ADAMTS19: variants seen among roughly 807,000 people sequenced by gnomAD.
The protein encoded by ADAMTS19 is ADAM metallopeptidase with thrombospondin type 1 motif 19.
Under a neutral mutation model 153.3 loss-of-function variants are expected in ADAMTS19, and 93 were observed. The observed-to-expected ratio is 0.61, with a 90% CI of 0.51 to 0.72. The LOEUF (loss-of-function observed/expected upper bound fraction) is 0.72. Among genes scored for constraint, ADAMTS19 ranks in the 30% least tolerant of loss-of-function variants. ADAMTS19 has a pLI of 0.00. For synonymous variants in ADAMTS19, 600 were observed against 556.6 expected (o/e 1.08, Z -1.10); for missense variants, 1,482 against 1,552.1 (o/e 0.95, Z 0.76).
intron 2 of ADAMTS19, among the ~76,000 whole-genome samples, chr5:129,493,033 T>C (rs1437678921): frequency 6.6e-6 from 1 of 152,162 alleles, no homozygotes; most frequent in East Asian, 1.9e-4. Context: ...TTTATACTGT[T>C]GAATTTCATA....
chr5:129,633,572 A>G (rs1383340322), intron 10 of ADAMTS19, among the ~76,000 whole-genome samples: 1 of 152,184 alleles, frequency 6.6e-6, no homozygotes, highest in Non-Finnish European at 1.5e-5. Flanking sequence ...AATAGTTGCA[A>G]CAGAGACCAC....
chr5:129,549,102 A>C (rs1752970745), intron 6 of ADAMTS19, among the ~76,000 whole-genome samples: 2 of 150,930 alleles, frequency 1.3e-5, no homozygotes, highest in South Asian at 4.2e-4. Context: ...GGTGCAGCAC[A>C]GCAACATGGC....
chr5:129,658,606 T>G lies in ADAMTS19; in HGVS notation c.2305-11T>G, dbSNP rs767723886. On this transcript the variant is annotated splice_polypyrimidine_tract_variant and intron_variant, in intron 14 of 22. Transcript: ENST00000274487. ...TGCTATTTATGATGTGCTGTCACTC[T>G]CTTGTTACAGAAAGTTGGCTGTGAT... The G allele has an allele frequency of 6.2e-7, 1 of 1,610,268 alleles. No homozygotes were observed. The highest frequency in any genetic ancestry group is 1.3e-5 in the African/African-American group (1 of 74,784).
At chr5:129,547,785 C>T (rs973868965) in intron 6 of ADAMTS19, among the ~76,000 whole-genome samples, 2 of 150,722 alleles carry the variant, frequency 1.3e-5, no homozygotes, top group Non-Finnish European at 2.9e-5. Flanking sequence ...CACTACAAGG[C>T]TACAGAAACC....
intron 19 of ADAMTS19, 61 bp from the exon 20 acceptor site, chr5:129,701,327 A>G: frequency 6.4e-7 from 1 of 1,563,992 alleles, no homozygotes; most frequent in African/African-American, 1.3e-5. Context: ...GTGAGAACAG[A>G]CTAATACAAG....
At chr5:129,546,823 T>A (rs1752876998) in intron 6 of ADAMTS19, among the ~76,000 whole-genome samples, 1 of 151,158 alleles carries the variant, frequency 6.6e-6, no homozygotes, top group Non-Finnish European at 1.5e-5. Context: ...ATAGGCAAAT[T>A]GCTACATAAG....
At chr5:129,693,349 T>C (rs1295481464) in intron 18 of ADAMTS19, among the ~76,000 whole-genome samples, 1 of 152,202 alleles carries the variant, frequency 6.6e-6, no homozygotes, top group African/African-American at 2.4e-5. Flanking sequence ...AGTGGCAGAA[T>C]GACCTCCCTG....
At chr5:129,716,907 G>C (rs111421934) in intron 21 of ADAMTS19, among the ~76,000 whole-genome samples, 1,955 of 152,200 alleles carry the variant, frequency 0.013, 35 homozygotes, top group African/African-American at 0.043. Flanking sequence ...CCTAACCTAC[G>C]TCTCCAGAAT....
chr5:129,503,149 A>G (rs565731688), intron 2 of ADAMTS19, among the ~76,000 whole-genome samples: 5 of 152,338 alleles, frequency 3.3e-5, no homozygotes, highest in Admixed American at 2.6e-4. Flanking sequence ...AAGTTTGAGT[A>G]GTAAAAGTAA....
At chr5:129,666,394 A>C (rs1754057640) in intron 16 of ADAMTS19, among the ~76,000 whole-genome samples, 1 of 151,868 alleles carries the variant, frequency 6.6e-6, no homozygotes, top group South Asian at 2.1e-4. Context: ...ACATACACAA[A>C]AAAAGCTCTC....
chr5:129,608,480 G>A (rs1024216971), intron 8 of ADAMTS19, among the ~76,000 whole-genome samples: 4 of 151,930 alleles, frequency 2.6e-5, no homozygotes, highest in Non-Finnish European at 1.5e-5. Context: ...ACATAGATTT[G>A]GTTACACTCT....
intron 18 of ADAMTS19, among the ~76,000 whole-genome samples, chr5:129,691,192 T>C (rs1038352210): frequency 2.6e-5 from 4 of 152,236 alleles, no homozygotes; most frequent in African/African-American, 9.6e-5. Context: ...AAAGAGTTAG[T>C]AAATAAAAGT....
chr5:129,486,083 G>C (rs1262942583), intron 2 of ADAMTS19, among the ~76,000 whole-genome samples: 1 of 152,072 alleles, frequency 6.6e-6, no homozygotes. Flanking sequence ...AAGCCACCGC[G>C]CCTGGCCTAT....
intron 10 of ADAMTS19, among the ~76,000 whole-genome samples, chr5:129,637,577 G>A (rs1752587133): frequency 6.6e-6 from 1 of 152,122 alleles, no homozygotes; most frequent in Non-Finnish European, 1.5e-5. Flanking sequence ...AGGCGCGGTG[G>A]CTCACACCTA....
intron 7 of ADAMTS19, among the ~76,000 whole-genome samples, chr5:129,556,423 T>C (rs1753313248): frequency 6.6e-6 from 1 of 152,206 alleles, no homozygotes; most frequent in Non-Finnish European, 1.5e-5. Flanking sequence ...GTGGCAACTA[T>C]CTCTTTGCTG....
intron 16 of ADAMTS19, among the ~76,000 whole-genome samples, chr5:129,678,226 C>T (rs1240302683): frequency 1.3e-5 from 2 of 152,160 alleles, no homozygotes; most frequent in African/African-American, 2.4e-5. Context: ...ACTTCATGCA[C>T]ATGGGTCTCC....
At chr5:129,530,117 A>G (rs1489252452) in intron 6 of ADAMTS19, among the ~76,000 whole-genome samples, 4 of 152,190 alleles carry the variant, frequency 2.6e-5, no homozygotes, top group South Asian at 2.1e-4. Flanking sequence ...CTTCAGAGGA[A>G]GATAACAGAA....
intron 15 of ADAMTS19, among the ~76,000 whole-genome samples, chr5:129,663,445 A>G (rs904386529): frequency 9.9e-5 from 15 of 152,220 alleles, no homozygotes; most frequent in Non-Finnish European, 1.5e-5. Flanking sequence ...TACAAATTGC[A>G]AAGCCAAATT....
At chr5:129,583,555 T>C (rs1490547875) in intron 7 of ADAMTS19, among the ~76,000 whole-genome samples, 1 of 152,066 alleles carries the variant, frequency 6.6e-6, no homozygotes, top group East Asian at 1.9e-4. Flanking sequence ...ACCAATCAAA[T>C]GTAGATTTGG....
Sources: allele counts gnomAD v4.1 joint callset (sites outside exome capture counted in the v4.1 genomes callset), GRCh38; gene constraint gnomAD v4.1.1; transcripts MANE v1.5; gene names NCBI Gene and HGNC (gene_info 2026-07-23, HGNC 2026-07-21).